TYR: variants seen among roughly 807,000 people sequenced by gnomAD.
TYR encodes tyrosinase.
Under a neutral mutation model 51.5 loss-of-function variants are expected in TYR, and 58 were observed. That is an observed-to-expected ratio of 1.13 (90% CI 0.91 to 1.40). TYR has a LOEUF of 1.40. Ranked by LOEUF, TYR falls within the 40% of genes most tolerant of loss-of-function variation. The pLI is 0.00. For missense variants in TYR, 732 were observed against 647.4 expected (o/e 1.13, Z -1.42); for synonymous variants, 263 against 235.2 (o/e 1.12, Z -1.08).
rs11545464 is a variant in TYR at position 89,178,121 on chromosome 11, G to C, written c.168G>C (p.Gln56His). 1.2e-6 allele frequency: 2 copies of C among 1,614,100 alleles called. No individual in the cohort carries two copies. Among genetic ancestry groups the C allele is most frequent in the African/African-American group, 2.7e-5 (2 of 74,944 alleles). ...CGQLSGRGSCQNILLSNAPLG... is the reference protein window; with the variant it reads ...CGQLSGRGSCHNILLSNAPLG... The stretch of plus-strand genomic sequence containing the variant: ...AGCTTTCAGGCAGAGGTTCCTGTCA[G>C]AATATCCTTCTGTCCAATGCACCAC... The change falls in exon 1 of 5, where the codon CAG becomes CAC. Residue 56 changes from glutamine to histidine, a missense_variant. Physicochemically the swap from Gln to His is conservative, Grantham distance 24 (BLOSUM62 0). Transcript: ENST00000263321.
chr11:89,272,316 C>T (rs1451064585), intron 3 of TYR, among the ~76,000 whole-genome samples: 2 of 151,828 alleles, frequency 1.3e-5, no homozygotes, highest in East Asian at 1.9e-4. Flanking sequence ...GGAATGAAAG[C>T]AATATTCATC....
chr11:89,228,711 T>G (rs1346194200), intron 3 of TYR, among the ~76,000 whole-genome samples: 3 of 152,214 alleles, frequency 2.0e-5, no homozygotes, highest in African/African-American at 7.2e-5. Context: ...CCAACTGTCC[T>G]ATTTAATGTG....
intron 3 of TYR, among the ~76,000 whole-genome samples, chr11:89,248,435 A>C (rs1944292703): frequency 6.6e-6 from 1 of 152,284 alleles, no homozygotes; most frequent in African/African-American, 2.4e-5. Context: ...CACTGAGACC[A>C]CGGAGAAGAG....
chr11:89,266,796 T>C (rs1031879818), intron 3 of TYR, among the ~76,000 whole-genome samples: 1 of 151,940 alleles, frequency 6.6e-6, no homozygotes, highest in Non-Finnish European at 1.5e-5. Flanking sequence ...GAAACAAACC[T>C]TGCCTGTTCA....
intron 2 of TYR, among the ~76,000 whole-genome samples, chr11:89,213,350 G>C (rs1943787407): frequency 6.6e-6 from 1 of 151,988 alleles, no homozygotes; most frequent in African/African-American, 2.4e-5. Flanking sequence ...ACTATAAAGA[G>C]AATAAAATAC....
chr11:89,284,351 C>T (rs1944755670), intron 3 of TYR, among the ~76,000 whole-genome samples: 1 of 151,896 alleles, frequency 6.6e-6, no homozygotes, highest in East Asian at 1.9e-4. Flanking sequence ...GAAAGCCTCC[C>T]ACCAGAACCA....
intron 3 of TYR, among the ~76,000 whole-genome samples, chr11:89,229,505 C>T (rs1944017704): frequency 1.3e-5 from 2 of 151,870 alleles, no homozygotes; most frequent in East Asian, 1.9e-4. Flanking sequence ...TATGACCACT[C>T]TTGCCACCTC....
chr11:89,228,643 T>C (rs1394089698), intron 3 of TYR, among the ~76,000 whole-genome samples: 2 of 152,296 alleles, frequency 1.3e-5, no homozygotes, highest in Middle Eastern at 3.4e-3. Flanking sequence ...TACAAACTGA[T>C]CTCTTCCACT....
At chr11:89,242,088 T>C (rs1404734778) in intron 3 of TYR, among the ~76,000 whole-genome samples, 1 of 152,138 alleles carries the variant, frequency 6.6e-6, no homozygotes, top group Non-Finnish European at 1.5e-5. Context: ...TCAGGTTGGA[T>C]ACACTTCTGA....
intron 2 of TYR, among the ~76,000 whole-genome samples, chr11:89,218,660 T>G (rs1483198413): frequency 1.3e-5 from 2 of 152,202 alleles, no homozygotes; most frequent in Admixed American, 1.3e-4. Context: ...TTAACATCAC[T>G]ACAATCCTAC....
chr11:89,252,440 C>G (rs557301390), intron 3 of TYR, among the ~76,000 whole-genome samples: 31 of 151,644 alleles, frequency 2.0e-4, no homozygotes, highest in African/African-American at 7.5e-4. Context: ...CTTGAGCCCA[C>G]CCAAGGCTAG....
intron 3 of TYR, among the ~76,000 whole-genome samples, chr11:89,229,537 G>A (rs1008010456): frequency 6.7e-6 from 1 of 150,338 alleles, no homozygotes; most frequent in Admixed American, 6.6e-5. Context: ...GTATTAAAAG[G>A]TCTACACAAT....
At chr11:89,209,018 G>A (rs919781271) in intron 2 of TYR, among the ~76,000 whole-genome samples, 13 of 152,206 alleles carry the variant, frequency 8.5e-5, no homozygotes, top group Non-Finnish European at 1.9e-4. Flanking sequence ...CTCCCAGGGA[G>A]ATCAATGCAG....
chr11:89,264,350 A>T (rs1394311504), intron 3 of TYR, among the ~76,000 whole-genome samples: 1 of 151,960 alleles, frequency 6.6e-6, no homozygotes, highest in Non-Finnish European at 1.5e-5. Context: ...CTTATTTATC[A>T]AACCTTGGAT....
intron 3 of TYR, among the ~76,000 whole-genome samples, chr11:89,239,318 T>C (rs563830211): frequency 6.6e-6 from 1 of 152,266 alleles, no homozygotes; most frequent in South Asian, 2.1e-4. Context: ...ATTGTGTGTT[T>C]CTTGGAATTT....
At chr11:89,254,487 A>G (rs1424860978) in intron 3 of TYR, among the ~76,000 whole-genome samples, 1 of 151,542 alleles carries the variant, frequency 6.6e-6, no homozygotes, top group Non-Finnish European at 1.5e-5. Context: ...TTTCCTTACC[A>G]TTTCAATGTC....
At chr11:89,234,030 A>G (rs1208400901) in intron 3 of TYR, among the ~76,000 whole-genome samples, 1 of 143,476 alleles carries the variant, frequency 7.0e-6, no homozygotes, top group Non-Finnish European at 1.5e-5. Context: ...TAGATGGCAT[A>G]TTCTTCTAAT....
At chr11:89,195,816 A>C (rs552044891) in intron 2 of TYR, among the ~76,000 whole-genome samples, 2 of 152,310 alleles carry the variant, frequency 1.3e-5, no homozygotes, top group South Asian at 4.1e-4. Flanking sequence ...ATTAAAACAG[A>C]AATTTTCTCT....
chr11:89,269,217 G>T (rs1331773414), intron 3 of TYR, among the ~76,000 whole-genome samples: 1 of 151,950 alleles, frequency 6.6e-6, no homozygotes, highest in East Asian at 1.9e-4. Context: ...GGTAAGAGGG[G>T]TGAGGCTTTG....
Sources: allele counts gnomAD v4.1 joint callset (sites outside exome capture counted in the v4.1 genomes callset), GRCh38; gene constraint gnomAD v4.1.1; transcripts MANE v1.5; gene names NCBI Gene and HGNC (gene_info 2026-07-23, HGNC 2026-07-21).